The following NAA50 variants were observed in gnomAD, a reference collection of about 807,000 sequenced individuals.
The protein encoded by NAA50 is N-alpha-acetyltransferase 50, NatE catalytic subunit.
In NAA50, 7 loss-of-function variants were observed where a neutral mutation model predicts 20.7. The observed-to-expected ratio is 0.34, with a 90% confidence interval of 0.19 to 0.63. NAA50 has a LOEUF of 0.63. NAA50 is among the 30% of genes least tolerant of loss of function. NAA50 has a pLI of 0.75. For synonymous variants in NAA50, 54 were observed against 70.6 expected (o/e 0.77, Z 1.18); for missense variants, 111 against 199.1 (o/e 0.56, Z 2.66).
intron 1 of NAA50, among the ~76,000 whole-genome samples, chr3:113,736,499 G>T (rs745306546): frequency 6.6e-6 from 1 of 152,058 alleles, no homozygotes; most frequent in Non-Finnish European, 1.5e-5. Context: ...CTTTACCCTT[G>T]GCCTATAAAT....
intron 1 of NAA50, among the ~76,000 whole-genome samples, chr3:113,733,604 C>A (rs1708298552): frequency 6.6e-6 from 1 of 151,874 alleles, no homozygotes; most frequent in Admixed American, 6.6e-5. Context: ...GTAATCCCAG[C>A]ACTTTGGGCG....
rs1480417285 is a variant in NAA50, at chr3:113,718,813, CAGA to C, written c.*2944_*2946del. 6.6e-6 allele frequency: 1 copy of C among 152,466 alleles called. No individual in the cohort carries two copies. Among genetic ancestry groups the C allele is most frequent in the East Asian group, 1.9e-4 (1 of 5,198 alleles). The allele number at this position is 152,466 out of a possible 1,614,324, so 9.4% of individuals were successfully genotyped here. On this transcript the variant is annotated 3_prime_UTR_variant, in exon 5 of 5. Coordinates refer to ENST00000240922, the MANE Select transcript of NAA50 (RefSeq NM_025146.4). ...ATTGGGCACTGTACCTAGCAAGTCA[CAGA>C]AGATCTGAATTAGGATGCCTTAATT...
At chr3:113,734,726 G>T (rs540610031) in intron 1 of NAA50, among the ~76,000 whole-genome samples, 1 of 152,310 alleles carries the variant, frequency 6.6e-6, no homozygotes, top group African/African-American at 2.4e-5. Flanking sequence ...CTGAATGAGT[G>T]AGCCTTCCAT....
Position 113,728,692 on chromosome 3 carries a change from A to ATC in NAA50, c.9-4599_9-4598dup, listed in dbSNP as rs573526325. Reference sequence around the variant, plus strand: ...CTTCTCTATAATTATTCTCTTGGTGATCTCATTCAATCTTGTAGTTGTGTG... The same window carrying ATC: ...CTTCTCTATAATTATTCTCTTGGTGATCTCTCATTCAATCTTGTAGTTGTGTG... On this transcript the variant is annotated intron_variant, in intron 1 of 4. Transcript: ENST00000240922. 2.1e-3 allele frequency among the ~76,000 whole-genome samples: 327 copies of ATC among 152,248 alleles called. 1 individual carries two copies. The highest frequency in any genetic ancestry group is 6.9e-3 in the African/African-American group (288 of 41,552).
intron 1 of NAA50, among the ~76,000 whole-genome samples, chr3:113,727,097 A>G (rs1049221857): frequency 6.6e-6 from 1 of 152,208 alleles, no homozygotes; most frequent in African/African-American, 2.4e-5. Flanking sequence ...TGGCCAAAAT[A>G]TAGGATCCTT....
In NAA50 at chr3:113,719,353, T is replaced by C. The variant is rs940935587; in HGVS notation, c.*2407A>G. On this transcript the variant is annotated 3_prime_UTR_variant, in exon 5 of 5. Transcript: ENST00000240922. ...AACCTATTTGCCCCACAGTAAAAAC[T>C]ATCTGTCCTGAAAAATATGATGGAT... 1.3e-5 allele frequency: 2 copies of C among 152,420 alleles called. No individual in the cohort carries two copies. The highest frequency in any genetic ancestry group is 4.8e-5 in the African/African-American group (2 of 41,254). The allele number at this position is 152,420 out of a possible 1,614,324, so 9.4% of individuals were successfully genotyped here.
chr3:113,722,845 TAA>T, intron 4 of NAA50, 59 bp downstream of exon 4: 2 of 1,457,554 alleles, frequency 1.4e-6, no homozygotes, highest in Non-Finnish European at 1.8e-6. Flanking sequence ...AAGTTTCTAG[TAA>T]AGATTTCTCC....
intron 1 of NAA50, among the ~76,000 whole-genome samples, chr3:113,724,862 G>A (rs970333809): frequency 1.2e-4 from 18 of 152,158 alleles, no homozygotes; most frequent in African/African-American, 2.9e-4. Context: ...CCTTCACTTC[G>A]CTCTCATTTC....
rs563604893 is a variant in NAA50 at position 113,717,598 on chromosome 3, T to C, written c.*4162A>G. The C allele has an allele frequency of 1.3e-5, 2 of 152,312 alleles. No homozygotes were observed. Among genetic ancestry groups the C allele is most frequent in the African/African-American group, 2.4e-5 (1 of 41,572 alleles). The allele number at this position is 152,312 out of a possible 1,614,324, so 9.4% of individuals were successfully genotyped here. Reference sequence around the variant, plus strand: ...GGAGAACCAATTCAGGACACTGCCATAGAAAATATTTACTCCCTGAAAAAC... The same window carrying C: ...GGAGAACCAATTCAGGACACTGCCACAGAAAATATTTACTCCCTGAAAAAC... On this transcript the variant is annotated 3_prime_UTR_variant, in exon 5 of 5. Coordinates refer to ENST00000240922, the MANE Select transcript of NAA50 (RefSeq NM_025146.4).
At chr3:113,726,357 T>C (rs1274159916) in intron 1 of NAA50, among the ~76,000 whole-genome samples, 1 of 152,206 alleles carries the variant, frequency 6.6e-6, no homozygotes, top group Non-Finnish European at 1.5e-5. Flanking sequence ...ACAACTATAA[T>C]GAATTCCCTG....
intron 1 of NAA50, among the ~76,000 whole-genome samples, chr3:113,744,401 T>C (rs927282081): frequency 5.9e-5 from 9 of 151,434 alleles, no homozygotes; most frequent in African/African-American, 1.7e-4. Context: ...GAGGCAAAGG[T>C]TGCAGTGGGC....
At chr3:113,727,233 ATTTAAAAAAAAGTC>A (rs1708211423) in intron 1 of NAA50, among the ~76,000 whole-genome samples, 1 of 152,234 alleles carries the variant, frequency 6.6e-6, no homozygotes, top group Non-Finnish European at 1.5e-5. Context: ...AGAGCATCTC[ATTTAAAAAAAAGTC>A]TTAGTATTTA....
In NAA50 at chr3:113,738,089, T is replaced by C. The variant is rs994489777; in HGVS notation, c.8+7853A>G. Among the ~76,000 whole-genome samples, 5 of 152,144 alleles carry C rather than the reference T, an allele frequency of 3.3e-5. No individual in the cohort carries two copies. In the South Asian group the frequency reaches 1.0e-3, roughly 32 times the overall value. The stretch of plus-strand genomic sequence containing the variant: ...GGGTGGATCAGCTCTCCAAACTGTA[T>C]GCCTGCAAGTATCAGAGGTATAAAA... On this transcript the variant is annotated intron_variant, in intron 1 of 4. Transcript: ENST00000240922.
chr3:113,745,328 CT>C (rs1708476322), intron 1 of NAA50, among the ~76,000 whole-genome samples: 1 of 152,138 alleles, frequency 6.6e-6, no homozygotes, highest in Non-Finnish European at 1.5e-5. Context: ...CTGATCCACC[CT>C]ATACTTCCTT....
chr3:113,733,142 T>C (rs1708292167), intron 1 of NAA50, among the ~76,000 whole-genome samples: 1 of 152,156 alleles, frequency 6.6e-6, no homozygotes, highest in Admixed American at 6.5e-5. Context: ...CTTGTCTTAG[T>C]GAGTTGTAAG....
intron 1 of NAA50, among the ~76,000 whole-genome samples, chr3:113,742,878 T>C (rs1215082801): frequency 6.6e-6 from 1 of 152,198 alleles, no homozygotes; most frequent in Non-Finnish European, 1.5e-5. Flanking sequence ...TATTATACTT[T>C]CCATTACACT....
At position 113,716,884 on chromosome 3, in the gene NAA50, A is replaced by G. The variant is rs1708056821; in HGVS notation, c.*4876T>C. On this transcript the variant is annotated 3_prime_UTR_variant, in exon 5 of 5. Transcript: ENST00000240922. ...CTTTCATCACAAATTTAAAAAGGTAATAATTCTTCTAGATCTCAACTCTAG... is the reference window on the plus strand; with the variant it reads ...CTTTCATCACAAATTTAAAAAGGTAGTAATTCTTCTAGATCTCAACTCTAG... 6.6e-6 allele frequency: 1 copy of G among 152,226 alleles called. No homozygotes were observed. The highest frequency in any genetic ancestry group is 1.5e-5 in the Non-Finnish European group (1 of 68,030). 9.4% of individuals were successfully genotyped at this position (152,226 alleles called of 1,614,324 possible).
chr3:113,732,986 T>C (rs1220196435), intron 1 of NAA50, among the ~76,000 whole-genome samples: 1 of 152,168 alleles, frequency 6.6e-6, no homozygotes, highest in African/African-American at 2.4e-5. Context: ...TGACTAATGA[T>C]GTTGAGTATG....
Position 113,721,862 on chromosome 3 carries a change from C to T in NAA50, c.408G>A (p.Lys136=). ...KFGFEIIETK[K]NYYKRIEPAD... is the part of the protein sequence containing the mutation. Reference sequence around the variant, plus strand: ...CGGGCTCTATCCTCTTATAGTAGTTCTTCTTTGTCTCAATAATCTCAAAGC... The same window carrying T: ...CGGGCTCTATCCTCTTATAGTAGTTTTTCTTTGTCTCAATAATCTCAAAGC... The change falls in exon 5 of 5, where the codon AAG becomes AAA. Residue 136 remains lysine, a synonymous_variant. Transcript: ENST00000240922. 2 of 1,613,956 alleles carry T rather than the reference C, an allele frequency of 1.2e-6. No homozygotes were observed. Among genetic ancestry groups the T allele is most frequent in the Non-Finnish European group, 1.7e-6 (2 of 1,179,846 alleles).
Sources: gnomAD v4.1 joint callset for allele counts (sites outside exome capture counted in the v4.1 genomes callset) on GRCh38, gnomAD v4.1.1 for gene constraint, MANE v1.5 for transcripts, NCBI Gene and HGNC (gene_info 2026-07-23, HGNC 2026-07-21) for gene names.